Variants in CACNA2D2 observed in about 807,000 individuals in gnomAD.
The protein encoded by CACNA2D2 is voltage-dependent calcium channel subunit alpha-2/delta-2.
A neutral mutation model predicts 166.4 loss-of-function variants in CACNA2D2; 48 were observed. The observed-to-expected ratio is 0.29, with a 90% confidence interval of 0.23 to 0.37. The LOEUF (loss-of-function observed/expected upper bound fraction) is 0.37, where lower values mean the gene tolerates loss of function less well. CACNA2D2 is among the 10% of genes least tolerant of loss of function. The pLI is 1.00. For synonymous variants in CACNA2D2, 561 were observed against 573.7 expected, an observed-to-expected ratio of 0.98 and a Z score of 0.32; for missense variants, 1,122 against 1,433.0, an observed-to-expected ratio of 0.78 and a Z score of 3.50.
Position 50,364,434 on chromosome 3 carries a change from G to A in CACNA2D2, c.*232C>T, listed in dbSNP as rs1276370063. The A allele has an allele frequency of 1.1e-5, 6 of 554,744 alleles. No homozygotes were observed. In the Admixed American group the frequency reaches 1.8e-4, roughly 17 times the overall value. 34.4% of individuals were successfully genotyped at this position (554,744 alleles called of 1,614,324 possible). A position where few individuals can be genotyped will look rare whatever the true frequency, so the allele number is the denominator to read the frequency against. On this transcript the variant is annotated 3_prime_UTR_variant, in exon 38 of 38. Coordinates refer to ENST00000424201, the MANE Select transcript of CACNA2D2 (RefSeq NM_006030.4). ...GGAGCCCAGCAGGCAAGAAGGGTCT[G>A]GGGACACTTGAACAGTTCGGAGGTG...
intron 4 of CACNA2D2, 113 bp from the exon 5 acceptor site, chr3:50,387,725 CCCTT>C: frequency 1.2e-6 from 1 of 810,858 alleles, no homozygotes; most frequent in Non-Finnish European, 2.0e-6. Context: ...CAGAGACTGT[CCCTT>C]TCCCCCACCC....
chr3:50,368,139 C>T lies in CACNA2D2; in HGVS notation c.2142G>A (p.Gln714=), dbSNP rs1704450440. The T allele has an allele frequency of 5.0e-6, 8 of 1,609,354 alleles. No homozygotes were observed. The highest frequency in any genetic ancestry group is 1.1e-5 in the South Asian group (1 of 90,980). ...LMEKVTPDSK[Q]CNNFLLHNLI... ...CCAGCTGCCCTGCCAGGCACTCACA[C>T]TGCTTGGAGTCTGGAGTCACTTTCT... Residue 714 remains glutamine (Q), a splice_region_variant and synonymous_variant, in exon 24 of 38, where the codon CAG becomes CAA. Coordinates refer to ENST00000424201, the MANE Select transcript of CACNA2D2 (RefSeq NM_006030.4).
chr3:50,475,938 G>A (rs1453523521), intron 2 of CACNA2D2, among the ~76,000 whole-genome samples, 180 bp downstream of exon 2: 1 of 152,174 alleles, frequency 6.6e-6, no homozygotes, highest in Non-Finnish European at 1.5e-5. Flanking sequence ...GGAAGAGCAG[G>A]CCAGGCCCCA....
Position 50,434,436 on chromosome 3 carries a change from G to A in CACNA2D2, c.289-7C>T, listed in dbSNP as rs768476453. 13 of 1,609,724 alleles carry A rather than the reference G, an allele frequency of 8.1e-6. No individual in the cohort carries two copies. The highest frequency in any genetic ancestry group is 3.3e-4 in the Middle Eastern group (2 of 6,076). On this transcript the variant is annotated splice_region_variant and splice_polypyrimidine_tract_variant and intron_variant, in intron 2 of 37. Transcript: ENST00000424201. ...TCCGGTTGTCCTTGTAAATCTGGAAGGAAGCAGAAGCCAGGGGTGAGACCA... is the reference window on the plus strand; with the variant it reads ...TCCGGTTGTCCTTGTAAATCTGGAAAGAAGCAGAAGCCAGGGGTGAGACCA...
intron 2 of CACNA2D2, among the ~76,000 whole-genome samples, chr3:50,455,209 T>TA (rs1437006023): frequency 1.3e-5 from 2 of 152,162 alleles, no homozygotes; most frequent in Admixed American, 1.3e-4. Context: ...AAGCCACACA[T>TA]ACTCGGACCC....
Position 50,367,913 on chromosome 3 carries a change from AGGGGAGGGGTG to A in CACNA2D2, c.2144-22_2144-12del. On this transcript the variant is annotated splice_polypyrimidine_tract_variant and intron_variant, in intron 24 of 37. Transcript: ENST00000424201. This position sits in a 1 kb window ranked among gnomAD's most constrained non-coding sequence, Gnocchi z 6.5. Reference sequence around the variant, plus strand: ...GAAGGAAGTTGTTGCCTGGAACAGGAGGGGAGGGGTGGGGGTGGGGGCATCTTCTTGCAGCT... The same window carrying A: ...GAAGGAAGTTGTTGCCTGGAACAGGAGGGGTGGGGGCATCTTCTTGCAGCT... 2.0e-5 allele frequency: 3 copies of A among 153,516 alleles called. No homozygotes were observed. Among genetic ancestry groups the A allele is most frequent in the Non-Finnish European group, 3.9e-5 (3 of 77,434 alleles). 9.5% of individuals were successfully genotyped at this position (153,516 alleles called of 1,614,324 possible).
At chr3:50,444,760 G>A (rs777222743) in intron 2 of CACNA2D2, among the ~76,000 whole-genome samples, 1 of 152,242 alleles carries the variant, frequency 6.6e-6, no homozygotes, top group Non-Finnish European at 1.5e-5. Context: ...TAGCATGGCA[G>A]GTGTGGGAGA....
At chr3:50,399,678 T>C (rs1346817150) in intron 3 of CACNA2D2, among the ~76,000 whole-genome samples, 1 of 152,132 alleles carries the variant, frequency 6.6e-6, no homozygotes, top group Non-Finnish European at 1.5e-5. Flanking sequence ...GCTCAAAGCA[T>C]TAGTGTAGCT....
At chr3:50,473,478 G>C (rs1355444762) in intron 2 of CACNA2D2, among the ~76,000 whole-genome samples, 1 of 152,234 alleles carries the variant, frequency 6.6e-6, no homozygotes, top group African/African-American at 2.4e-5. Context: ...GGGCAATTCA[G>C]AATCAGCTCA....
intron 1 of CACNA2D2, among the ~76,000 whole-genome samples, chr3:50,489,878 C>T (rs980570895): frequency 3.9e-5 from 6 of 152,182 alleles, no homozygotes; most frequent in Non-Finnish European, 8.8e-5. Flanking sequence ...ACCAACCATG[C>T]ATGGTGTTAT....
intron 1 of CACNA2D2, among the ~76,000 whole-genome samples, chr3:50,500,774 A>C (rs1335449277): frequency 2.6e-5 from 3 of 116,940 alleles, no homozygotes; most frequent in East Asian, 3.0e-4. Flanking sequence ...CCAAAAAAAA[A>C]CCCTGAAGCC....
At chr3:50,480,759 C>T (rs756269604) in intron 1 of CACNA2D2, among the ~76,000 whole-genome samples, 21 of 110,722 alleles carry the variant, frequency 1.9e-4, no homozygotes, top group Admixed American at 1.8e-3. Flanking sequence ...CAAACTGCAT[C>T]GCATTCAGGT....
intron 3 of CACNA2D2, among the ~76,000 whole-genome samples, chr3:50,396,242 A>C (rs1242070472): frequency 1.3e-5 from 2 of 149,772 alleles, no homozygotes; most frequent in African/African-American, 2.5e-5. Flanking sequence ...CCTCCATTCC[A>C]CCCCAGCATC....
chr3:50,434,251 C>T, intron 3 of CACNA2D2, 62 bp downstream of exon 3: 2 of 1,148,722 alleles, frequency 1.7e-6, no homozygotes, highest in Non-Finnish European at 2.6e-6. Flanking sequence ...CCTCATGGTA[C>T]AGGACCTCTC....
chr3:50,474,843 C>CT (rs761318330), intron 2 of CACNA2D2, among the ~76,000 whole-genome samples: 17 of 152,176 alleles, frequency 1.1e-4, no homozygotes, highest in Non-Finnish European at 1.9e-4. Flanking sequence ...TTCTACAGCA[C>CT]TTTCTCTGGA....
intron 1 of CACNA2D2, among the ~76,000 whole-genome samples, chr3:50,489,774 C>A (rs1254717859): frequency 6.6e-6 from 1 of 151,258 alleles, no homozygotes; most frequent in African/African-American, 2.4e-5. Context: ...GACCTCCACA[C>A]CCTGACTGGG....
At chr3:50,409,123 G>A (rs1360320755) in intron 3 of CACNA2D2, among the ~76,000 whole-genome samples, 1 of 152,184 alleles carries the variant, frequency 6.6e-6, no homozygotes, top group Non-Finnish European at 1.5e-5. Flanking sequence ...GGTTTTCCTG[G>A]CCTCAGTTTT....
intron 3 of CACNA2D2, chr3:50,420,011 G>A (rs1236043924): frequency 2.6e-5 from 4 of 152,298 alleles, no homozygotes; most frequent in African/African-American, 9.6e-5. Flanking sequence ...TGCTTCCCCA[G>A]GTCCCCCGCG....
chr3:50,381,931 C>A (rs1705339417), intron 6 of CACNA2D2, among the ~76,000 whole-genome samples: 1 of 151,796 alleles, frequency 6.6e-6, no homozygotes, highest in Non-Finnish European at 1.5e-5. Flanking sequence ...TCTCCCTTCC[C>A]CCCAACCCTT....
Sources: allele counts gnomAD v4.1 joint callset (sites outside exome capture counted in the v4.1 genomes callset), GRCh38; gene constraint gnomAD v4.1.1; non-coding constraint Gnocchi (gnomAD v3.1); transcripts MANE v1.5; gene names NCBI Gene and HGNC (gene_info 2026-07-23, HGNC 2026-07-21).